SPAG1: variants seen among roughly 807,000 people sequenced by gnomAD.
The protein encoded by SPAG1 is sperm-associated antigen 1.
In SPAG1, 69 loss-of-function variants were observed where a neutral mutation model predicts 100.5. The observed-to-expected ratio is 0.69, with a 90% CI of 0.57 to 0.84. The LOEUF (loss-of-function observed/expected upper bound fraction) is 0.84. Ranked by LOEUF, SPAG1 falls within the 40% of genes least tolerant of loss-of-function variation. SPAG1 has a pLI of 0.00. For synonymous variants in SPAG1, 336 were observed against 411.6 expected, an observed-to-expected ratio of 0.82 and a Z score of 2.22; for missense variants, 955 against 1,133.1, an observed-to-expected ratio of 0.84 and a Z score of 2.26.
intron 13 of SPAG1, among the ~76,000 whole-genome samples, chr8:100,221,553 C>G (rs1818281601): frequency 1.3e-5 from 2 of 152,112 alleles, no homozygotes; most frequent in Non-Finnish European, 2.9e-5. Flanking sequence ...CCATGCTAGT[C>G]TAGTGGACCA....
chr8:100,165,895 T>G lies in SPAG1; in HGVS notation c.222T>G (p.Ala74=). 6.2e-7 allele frequency: 1 copy of G among 1,614,168 alleles called. No individual in the cohort carries two copies. Residue 74 remains alanine (A), a synonymous_variant, in exon 3 of 19, where the codon GCT becomes GCG. Coordinates refer to ENST00000388798, the MANE Select transcript of SPAG1 (RefSeq NM_003114.5). The stretch of plus-strand genomic sequence containing the variant: ...AAGCCTTGGCCCCTGAAAGCAGAGC[T>G]TTGAGGAAAGATAAACCAGCAGCAA... ...HLQALAPESR[A]LRKDKPAATA...
At chr8:100,230,446 T>A (rs1329186353) in intron 14 of SPAG1, among the ~76,000 whole-genome samples, 1 of 152,202 alleles carries the variant, frequency 6.6e-6, no homozygotes. Context: ...CTAGTTCACA[T>A]GTGCAGCCTT....
chr8:100,221,636 A>T (rs538047315), intron 13 of SPAG1, among the ~76,000 whole-genome samples: 5 of 152,196 alleles, frequency 3.3e-5, no homozygotes, highest in African/African-American at 1.2e-4. Context: ...ATACTAGAAT[A>T]TAGTTGGGTA....
In SPAG1 at chr8:100,238,741, A is replaced by G. The variant is rs185129024; in HGVS notation, c.2116-499A>G. ...AAGTATTATAATAACTACCATTTGC[A>G]TAGTCCTTTATAGGTTTAAGCCACT... On this transcript the variant is annotated intron_variant, in intron 16 of 18. Transcript: ENST00000388798. Among the ~76,000 whole-genome samples the G allele has an allele frequency of 1.1e-3, 158 of 147,176 alleles. 1 individual carries two copies. The highest frequency in any genetic ancestry group is 3.6e-3 in the African/African-American group (145 of 40,684).
In SPAG1 at chr8:100,233,399, G is replaced by C. The variant is rs999991693; in HGVS notation, c.1989-12G>C. The C allele has an allele frequency of 6.2e-7, 1 of 1,613,358 alleles. No individual in the cohort carries two copies. The highest frequency in any genetic ancestry group is 1.3e-5 in the African/African-American group (1 of 75,010). Reference sequence around the variant, plus strand: ...ACCTTTCATAATACTGAGTTCCATTGCATTATGCCAGAGCTCTCTGTTACT... The same window carrying C: ...ACCTTTCATAATACTGAGTTCCATTCCATTATGCCAGAGCTCTCTGTTACT... On this transcript the variant is annotated splice_polypyrimidine_tract_variant and intron_variant, in intron 15 of 18. Coordinates refer to ENST00000388798, the MANE Select transcript of SPAG1 (RefSeq NM_003114.5).
chr8:100,192,185 C>A (rs957095507), intron 9 of SPAG1, among the ~76,000 whole-genome samples: 2 of 152,174 alleles, frequency 1.3e-5, no homozygotes, highest in Non-Finnish European at 2.9e-5. Flanking sequence ...AGGAAACCAG[C>A]TGAGTGCAGT....
In SPAG1 at chr8:100,233,499, G is replaced by A; in HGVS notation, c.2077G>A (p.Ala693Thr). The A allele has an allele frequency of 6.2e-7, 1 of 1,613,626 alleles. No homozygotes were observed. Among genetic ancestry groups the A allele is most frequent in the Non-Finnish European group, 8.5e-7 (1 of 1,179,686 alleles). Residue 693 changes from alanine to threonine, a missense_variant, in exon 16 of 19, where the codon GCC (alanine) becomes ACC (threonine). Transcript: ENST00000388798. ...ALQLADGNVKAFYRRALAHKG... is the reference protein window; with the variant it reads ...ALQLADGNVKTFYRRALAHKG... ...TCAGCTAGCTGATGGGAACGTGAAA[G>A]CCTTCTATAGACGAGCTCTGGCTCA...
chr8:100,213,126 A>G lies in SPAG1; in HGVS notation c.1133A>G (p.Gln378Arg). 6.7e-7 allele frequency: 1 copy of G among 1,484,250 alleles called. No homozygotes were observed. Among genetic ancestry groups the G allele is most frequent in the Middle Eastern group, 1.7e-4 (1 of 5,778 alleles). The allele number at this position is 1,484,250 out of a possible 1,614,324, so 91.9% of individuals were successfully genotyped here. Residue 378 changes from glutamine to arginine, a missense_variant, in exon 11 of 19, where the codon CAG becomes CGG. Physicochemically the swap from Gln to Arg is conservative, Grantham distance 43 (BLOSUM62 1). Transcript: ENST00000388798. ...CCGGCGGGAGCCGCGCGCGCCGCCC[A>G]GCCGTGCGTCATGGGCAACATCCAG... ...AEPAGAARAAQPCVMGNIQKK... is the reference protein window; with the variant it reads ...AEPAGAARAARPCVMGNIQKK...
chr8:100,187,386 A>G (rs1024281210), intron 8 of SPAG1, 136 bp downstream of exon 8: 4 of 613,988 alleles, frequency 6.5e-6, no homozygotes, highest in Non-Finnish European at 9.7e-6. Flanking sequence ...CCAACTTCAT[A>G]AAGTTGCTTT....
chr8:100,189,861 A>C (rs1015626867), intron 8 of SPAG1, among the ~76,000 whole-genome samples: 35 of 152,340 alleles, frequency 2.3e-4, no homozygotes, highest in African/African-American at 7.5e-4. Flanking sequence ...GCAATAGCTA[A>C]ATTATATTTA....
chr8:100,173,911 A>C (rs1815990312), intron 3 of SPAG1, among the ~76,000 whole-genome samples: 1 of 152,190 alleles, frequency 6.6e-6, no homozygotes, highest in Non-Finnish European at 1.5e-5. Flanking sequence ...ACAAGACTGA[A>C]CTGTAGACTT....
At chr8:100,168,220 T>C (rs932924115) in intron 3 of SPAG1, among the ~76,000 whole-genome samples, 4 of 152,188 alleles carry the variant, frequency 2.6e-5, no homozygotes, top group Non-Finnish European at 4.4e-5. Flanking sequence ...GGTCAGCACA[T>C]AGTATTGTCC....
intron 8 of SPAG1, among the ~76,000 whole-genome samples, chr8:100,187,857 A>C (rs1399871898): frequency 6.6e-6 from 1 of 151,954 alleles, no homozygotes; most frequent in Non-Finnish European, 1.5e-5. Flanking sequence ...GTTTGTTTGT[A>C]TGTTTGTTTT....
intron 3 of SPAG1, among the ~76,000 whole-genome samples, chr8:100,170,363 TTTG>T (rs1332863535): frequency 2.0e-5 from 3 of 152,314 alleles, no homozygotes; most frequent in Non-Finnish European, 4.4e-5. Context: ...GTTATGAAAT[TTTG>T]TTTTTTTATT....
intron 8 of SPAG1, among the ~76,000 whole-genome samples, chr8:100,187,743 T>C (rs1816647535): frequency 6.6e-6 from 1 of 152,158 alleles, no homozygotes; most frequent in African/African-American, 2.4e-5. Flanking sequence ...ATAGATTTTC[T>C]GGTATTTATA....
chr8:100,240,029 T>G (rs1819184890), intron 17 of SPAG1, among the ~76,000 whole-genome samples: 1 of 152,108 alleles, frequency 6.6e-6, no homozygotes, highest in Non-Finnish European at 1.5e-5. Flanking sequence ...AGGAAGGTTT[T>G]TTTTCCTCTT....
At chr8:100,235,649 T>A (rs1309610545) in intron 16 of SPAG1, among the ~76,000 whole-genome samples, 1 of 152,198 alleles carries the variant, frequency 6.6e-6, no homozygotes, top group African/African-American at 2.4e-5. Flanking sequence ...AGCAGTCATG[T>A]TGCATAATAT....
chr8:100,183,868 T>C (rs953730635), intron 5 of SPAG1, 88 bp from the exon 6 acceptor site: 4 of 658,632 alleles, frequency 6.1e-6, no homozygotes, highest in Non-Finnish European at 7.9e-6. Flanking sequence ...TCCAAAGGCA[T>C]ACTTGTACAA....
chr8:100,159,390 C>A (rs1004141980), intron 1 of SPAG1, among the ~76,000 whole-genome samples: 3 of 152,206 alleles, frequency 2.0e-5, no homozygotes, highest in African/African-American at 7.2e-5. Context: ...TAAGAACTGT[C>A]ATCTATATCA....
Sources: gnomAD v4.1 joint callset for allele counts (sites outside exome capture counted in the v4.1 genomes callset) on GRCh38, gnomAD v4.1.1 for gene constraint, MANE v1.5 for transcripts, NCBI Gene and HGNC (gene_info 2026-07-23, HGNC 2026-07-21) for gene names.